Variants in LARP1 observed in about 807,000 individuals in gnomAD.
LARP1 encodes La ribonucleoprotein 1, translational regulator.
Under a neutral mutation model 122.7 loss-of-function variants are expected in LARP1, and 36 were observed. The ratio of observed to expected loss-of-function variants is 0.29; its 90% CI spans 0.22 to 0.39. LARP1 has a LOEUF of 0.39. LARP1 is among the 10% of genes least tolerant of loss of function. The pLI, the probability that LARP1 is intolerant of heterozygous loss-of-function variation, is 1.00. For synonymous variants in LARP1, 539 were observed against 528.7 expected (o/e 1.02, Z -0.27); for missense variants, 1,040 against 1,403.6 (o/e 0.74, Z 4.14).
intron 1 of LARP1, among the ~76,000 whole-genome samples, chr5:154,701,648 G>T (rs1360074345): frequency 6.7e-6 from 1 of 148,778 alleles, no homozygotes; most frequent in Non-Finnish European, 1.5e-5. Context: ...TTGAGACAGA[G>T]TCTCGCACTG....
At chr5:154,728,563 G>A (rs1178376833) in intron 1 of LARP1, among the ~76,000 whole-genome samples, 1 of 152,164 alleles carries the variant, frequency 6.6e-6, no homozygotes, top group East Asian at 1.9e-4. Context: ...GAGAGAGGCA[G>A]AGCCGACAGC....
chr5:154,699,867 G>T (rs994704334), intron 1 of LARP1, among the ~76,000 whole-genome samples: 4 of 152,168 alleles, frequency 2.6e-5, no homozygotes, highest in Admixed American at 2.6e-4. Context: ...CACTAAGCCT[G>T]CCCTGTCCCT....
rs192846854 is a variant in LARP1, at chr5:154,795,416, T to C, written c.1377+97T>C. On this transcript the variant is annotated intron_variant, in intron 8 of 18. Transcript: ENST00000518297. The stretch of plus-strand genomic sequence containing the variant: ...GCAGAAAGCCCTGGAAGAGTCATCA[T>C]CTGATGACTTCTGCTGAAGTCTCAA... 1.7e-4 allele frequency: 201 copies of C among 1,196,530 alleles called. No homozygotes were observed. The African/African-American group carries it at 2.8e-3, about 16-fold the overall frequency. 74.1% of individuals were successfully genotyped at this position (1,196,530 alleles called of 1,614,324 possible).
intron 1 of LARP1, among the ~76,000 whole-genome samples, chr5:154,728,379 C>A (rs1756357118): frequency 6.6e-6 from 1 of 152,190 alleles, no homozygotes; most frequent in Non-Finnish European, 1.5e-5. Flanking sequence ...CATTTTTCCT[C>A]CTTTTGAATC....
At chr5:154,778,234 T>C (rs925702164) in intron 1 of LARP1, among the ~76,000 whole-genome samples, 1 of 143,170 alleles carries the variant, frequency 7.0e-6, no homozygotes, top group African/African-American at 2.6e-5. Flanking sequence ...CACTCTAGCC[T>C]GGGCCACAGA....
At chr5:154,734,676 G>T (rs773124580) in intron 1 of LARP1, among the ~76,000 whole-genome samples, 1 of 151,946 alleles carries the variant, frequency 6.6e-6, no homozygotes, top group Admixed American at 6.6e-5. Context: ...TTCCTTTTCT[G>T]GTAAGAGATA....
intron 1 of LARP1, among the ~76,000 whole-genome samples, chr5:154,776,018 A>T (rs1755853970): frequency 6.6e-6 from 1 of 152,188 alleles, no homozygotes; most frequent in South Asian, 2.1e-4. Context: ...AGTATTTTAA[A>T]GTAAATATGG....
In LARP1 at chr5:154,803,214, C is replaced by A; in HGVS notation, c.2110-76C>A. ...GGAGCTGCCCTCTCCAACTTCCTGC[C>A]AGTCTTGATTCCTTAAACAGGCTAG... On this transcript the variant is annotated intron_variant, in intron 11 of 18. Transcript: ENST00000518297. The surrounding 1 kb of genome is among the most constrained non-coding windows in gnomAD (Gnocchi z 4.4). 6.3e-7 allele frequency: 1 copy of A among 1,588,526 alleles called. No homozygotes were observed. Among genetic ancestry groups the A allele is most frequent in the Non-Finnish European group, 8.6e-7 (1 of 1,159,166 alleles).
At chr5:154,805,594 G>C (rs1022692213) in intron 14 of LARP1, among the ~76,000 whole-genome samples, 3 of 152,304 alleles carry the variant, frequency 2.0e-5, no homozygotes, top group East Asian at 1.9e-4. Flanking sequence ...ATGGTTAAAA[G>C]CTCAAGTTTT....
chr5:154,755,458 T>G lies in LARP1; in HGVS notation c.-300T>G. On this transcript the variant is annotated 5_prime_UTR_variant, in exon 1 of 19. Transcript: ENST00000518297. ...GGAGGGAGGGACGGGACTAGAAGCC[T>G]GCCGGGCTCGGGGTGGGGGCGTCTT... The G allele has an allele frequency of 2.5e-6, 2 of 785,756 alleles. No homozygotes were observed. The highest frequency in any genetic ancestry group is 3.1e-6 in the Non-Finnish European group (2 of 648,702). 48.7% of individuals were successfully genotyped at this position (785,756 alleles called of 1,614,324 possible).
chr5:154,747,078 C>T (rs1048173670), intron 1 of LARP1, among the ~76,000 whole-genome samples: 18 of 151,970 alleles, frequency 1.2e-4, no homozygotes, highest in African/African-American at 3.9e-4. Context: ...TGCAGTGAGC[C>T]GAGATCGTGC....
chr5:154,759,918 AGTTTGTTTGTTTGTTT>A (rs201541263), intron 1 of LARP1, among the ~76,000 whole-genome samples: 7,534 of 149,484 alleles, frequency 0.05, 324 homozygotes, highest in African/African-American at 0.12. Flanking sequence ...GGCTGGGCTA[AGTTTGTTTGTTTGTTT>A]GTTTGTTTGT....
At chr5:154,795,838 A>G (rs183277420) in intron 8 of LARP1, among the ~76,000 whole-genome samples, 1,596 of 134,884 alleles carry the variant, frequency 0.012, 28 homozygotes, top group African/African-American at 0.042. Context: ...TATATATTTT[A>G]TATATATTTA....
chr5:154,769,843 T>C (rs1300425527), intron 1 of LARP1, among the ~76,000 whole-genome samples: 1 of 152,192 alleles, frequency 6.6e-6, no homozygotes, highest in Non-Finnish European at 1.5e-5. Flanking sequence ...GGAGTGCCTC[T>C]CACGGTGAGC....
chr5:154,755,585 C>T lies in LARP1; in HGVS notation c.-173C>T, dbSNP rs990189138. 7 of 987,204 alleles carry T rather than the reference C, an allele frequency of 7.1e-6. No homozygotes were observed. Among genetic ancestry groups the T allele is most frequent in the Non-Finnish European group, 6.0e-6 (5 of 830,100 alleles). 61.2% of individuals were successfully genotyped at this position (987,204 alleles called of 1,614,324 possible). On this transcript the variant is annotated 5_prime_UTR_variant, in exon 1 of 19. Coordinates refer to ENST00000518297, the MANE Select transcript of LARP1 (RefSeq NM_033551.3). ...CCGCTAGTGGGCCTCGGATTTACGGCGGCTGCATCTAACTGGGAGGGGGCC... is the reference window on the plus strand; with the variant it reads ...CCGCTAGTGGGCCTCGGATTTACGGTGGCTGCATCTAACTGGGAGGGGGCC...
intron 1 of LARP1, among the ~76,000 whole-genome samples, chr5:154,778,770 G>A (rs923904552): frequency 2.0e-5 from 3 of 152,146 alleles, no homozygotes; most frequent in Non-Finnish European, 4.4e-5. Context: ...CAGGGCTCTG[G>A]TCACTCTTCC....
rs909294735 is a variant in LARP1, at chr5:154,792,605, T to C, written c.565-17T>C. ...GCACTCACACTCACCTCACTGTTAC[T>C]TTACTTCCTGCTATAGCCACAGTCC... On this transcript the variant is annotated splice_polypyrimidine_tract_variant and intron_variant, in intron 3 of 18. Transcript: ENST00000518297. The C allele has an allele frequency of 3.1e-6, 5 of 1,612,606 alleles. No homozygotes were observed. Among genetic ancestry groups the C allele is most frequent in the Non-Finnish European group, 4.2e-6 (5 of 1,179,164 alleles).
At chr5:154,690,111 G>A (rs184486214) in intron 1 of LARP1, among the ~76,000 whole-genome samples, 28 of 152,172 alleles carry the variant, frequency 1.8e-4, no homozygotes, top group Admixed American at 1.8e-3. Context: ...AGCAGCCCTC[G>A]GAAGGCAGGA....
intron 1 of LARP1, among the ~76,000 whole-genome samples, chr5:154,683,127 A>G (rs1278125225): frequency 6.6e-6 from 1 of 152,166 alleles, no homozygotes; most frequent in Admixed American, 6.5e-5. Flanking sequence ...GGGCACCGAA[A>G]GGGGCCCGGG....
Sources: gnomAD v4.1 joint callset for allele counts (sites outside exome capture counted in the v4.1 genomes callset) on GRCh38, gnomAD v4.1.1 for gene constraint, Gnocchi (gnomAD v3.1) non-coding constraint, MANE v1.5 for transcripts, NCBI Gene and HGNC (gene_info 2026-07-23, HGNC 2026-07-21) for gene names.